IRAG1: variants seen among roughly 807,000 people sequenced by gnomAD.
The protein encoded by IRAG1 is inositol 1,4,5-triphosphate receptor associated 1.
A neutral mutation model predicts 106.2 loss-of-function variants in IRAG1; 62 were observed. That is an observed-to-expected ratio of 0.58 (90% CI 0.48 to 0.72). The LOEUF (loss-of-function observed/expected upper bound fraction) is 0.72, where lower values mean the gene tolerates loss of function less well. Ranked by LOEUF, IRAG1 falls within the 30% of genes least tolerant of loss-of-function variation. The pLI is 0.00. For synonymous variants in IRAG1, 462 were observed against 443.9 expected, an observed-to-expected ratio of 1.04 and a Z score of -0.51; for missense variants, 1,064 against 1,140.7, an observed-to-expected ratio of 0.93 and a Z score of 0.97.
intron 2 of IRAG1, among the ~76,000 whole-genome samples, chr11:10,648,224 C>T (rs1457385022): frequency 6.6e-6 from 1 of 152,080 alleles, no homozygotes; most frequent in Non-Finnish European, 1.5e-5. Flanking sequence ...ATTAGCCAGG[C>T]GTGGTGGTGC....
chr11:10,680,575 T>G (rs978373827), intron 1 of IRAG1, among the ~76,000 whole-genome samples: 2 of 147,046 alleles, frequency 1.4e-5, no homozygotes, highest in African/African-American at 5.1e-5. Context: ...GGAAGGGAAA[T>G]CTCCATTCAG....
intron 1 of IRAG1, among the ~76,000 whole-genome samples, chr11:10,685,416 CAA>C (rs375363531): frequency 1.2e-4 from 16 of 136,550 alleles, no homozygotes; most frequent in Admixed American, 7.2e-5. Flanking sequence ...ATTCCGTTCC[CAA>C]AAAAAAAAAA....
intron 2 of IRAG1, among the ~76,000 whole-genome samples, chr11:10,638,532 G>C (rs1857300053): frequency 6.6e-6 from 1 of 152,148 alleles, no homozygotes; most frequent in Non-Finnish European, 1.5e-5. Context: ...GCATGCGCGG[G>C]CTTCTTTCCC....
Position 10,693,546 on chromosome 11 carries a change from G to C in IRAG1, c.57C>G (p.Asn19Lys). Reference sequence around the variant, plus strand: ...ATAGGGGAGGCTTACCTAAAACTGAGTTATTCTCCTTTCCTCCTCTGGCCA... The same window carrying C: ...ATAGGGGAGGCTTACCTAAAACTGACTTATTCTCCTTTCCTCCTCTGGCCA... The part of the protein sequence containing the change: ...ERLARGGKEN[N>K]SVLACGAQAS... The change falls in exon 1 of 21, where the codon AAC becomes AAG. Residue 19 changes from asparagine (N) to lysine (K), a missense_variant. Physicochemically the swap from Asn to Lys is moderately conservative, Grantham distance 94. Transcript: ENST00000423302. 3 of 1,535,592 alleles carry C rather than the reference G, an allele frequency of 2.0e-6. No individual in the cohort carries two copies. The highest frequency in any genetic ancestry group is 2.6e-6 in the Non-Finnish European group (3 of 1,146,846).
At chr11:10,627,692 A>G in intron 8 of IRAG1, 24 bp downstream of exon 8, 9 of 1,613,856 alleles carry the variant, frequency 5.6e-6, no homozygotes, top group Non-Finnish European at 7.6e-6. Context: ...CAAATCATCC[A>G]AAGGGAGCAA....
At chr11:10,593,753 A>G (rs1410451849) in intron 16 of IRAG1, 154 bp from the exon 17 acceptor site, 3 of 634,948 alleles carry the variant, frequency 4.7e-6, no homozygotes, top group African/African-American at 3.7e-5. Context: ...TGGTGTGGAG[A>G]GAGTGGCCAA....
intron 2 of IRAG1, among the ~76,000 whole-genome samples, chr11:10,648,453 G>A (rs937868347): frequency 6.6e-6 from 1 of 152,202 alleles, no homozygotes. Context: ...GGAATCTGGT[G>A]TTCAAAAAAT....
At chr11:10,673,711 A>G (rs184132431) in intron 1 of IRAG1, among the ~76,000 whole-genome samples, 15 of 152,146 alleles carry the variant, frequency 9.9e-5, no homozygotes, top group Admixed American at 8.5e-4. Flanking sequence ...AAAAAAAAAG[A>G]GAAGGAAGCT....
At chr11:10,681,316 A>G (rs1250541230) in intron 1 of IRAG1, among the ~76,000 whole-genome samples, 3 of 152,242 alleles carry the variant, frequency 2.0e-5, no homozygotes, top group African/African-American at 4.8e-5. Flanking sequence ...TGTCTAACGC[A>G]TGAGTCAAGT....
intron 1 of IRAG1, among the ~76,000 whole-genome samples, chr11:10,655,113 T>C (rs1858818710): frequency 1.3e-5 from 2 of 152,214 alleles, no homozygotes. Context: ...TAAAGGAAGT[T>C]GGCTACATCT....
rs747813071 is a variant in IRAG1, at chr11:10,629,647, C to T, written c.465G>A (p.Glu155=). ...GCAGCGCCAGGTTTTTCTTCTTGTC[C>T]TCCTCTGAGATGCTGATGTCTGGCA... The part of the protein sequence containing the change: ...DQLPDISISE[E]DKKKNLALLE... The change falls in exon 5 of 21, where the codon GAG becomes GAA. Residue 155 remains glutamate, a synonymous_variant. Transcript: ENST00000423302. 1.2e-6 allele frequency: 2 copies of T among 1,613,954 alleles called. No homozygotes were observed. The highest frequency in any genetic ancestry group is 1.1e-5 in the South Asian group (1 of 91,066).
At chr11:10,629,153 G>A (rs948536322) in intron 5 of IRAG1, among the ~76,000 whole-genome samples, 1 of 152,086 alleles carries the variant, frequency 6.6e-6, no homozygotes, top group African/African-American at 2.4e-5. Context: ...GCTCCTTCTC[G>A]ACTTCCCAGG....
chr11:10,688,891 A>C (rs1861855758), intron 1 of IRAG1, among the ~76,000 whole-genome samples: 1 of 152,188 alleles, frequency 6.6e-6, no homozygotes, highest in Admixed American at 6.5e-5. Flanking sequence ...TTGTGTTGTT[A>C]GGCAAGTTTC....
intron 10 of IRAG1, among the ~76,000 whole-genome samples, chr11:10,616,620 C>T (rs942579689): frequency 4.6e-5 from 7 of 152,158 alleles, no homozygotes; most frequent in Non-Finnish European, 8.8e-5. Flanking sequence ...AAACCAATTT[C>T]TCTTCTTTGG....
At chr11:10,599,906 C>CTGA (rs1591583169) in intron 15 of IRAG1, 2 of 152,180 alleles carry the variant, frequency 1.3e-5, no homozygotes, top group African/African-American at 4.8e-5. Flanking sequence ...AAAATAAAGG[C>CTGA]TGATTACCTC....
intron 2 of IRAG1, among the ~76,000 whole-genome samples, chr11:10,635,655 G>T (rs1857092119): frequency 6.6e-6 from 1 of 152,122 alleles, no homozygotes; most frequent in Non-Finnish European, 1.5e-5. Flanking sequence ...TTGTGAAATG[G>T]GTCTCATACA....
Position 10,580,808 on chromosome 11 carries a change from A to G in IRAG1, c.2361-219T>C, listed in dbSNP as rs59602326. On this transcript the variant is annotated intron_variant, in intron 19 of 20. Transcript: ENST00000423302. Reference sequence around the variant, plus strand: ...CTCAGTCATCCTTCCTGTTTATGTGAAAGTGTGACAAAACTGACAGGGAAA... The same window carrying G: ...CTCAGTCATCCTTCCTGTTTATGTGGAAGTGTGACAAAACTGACAGGGAAA... Among the ~76,000 whole-genome samples, 1,256 of 152,348 alleles carry G rather than the reference A, an allele frequency of 8.2e-3. 22 individuals are homozygous for G. Among genetic ancestry groups the G allele is most frequent in the South Asian group, 0.033 (159 of 4,826 alleles).
chr11:10,635,270 T>C (rs1010430787), intron 2 of IRAG1, among the ~76,000 whole-genome samples: 1 of 152,192 alleles, frequency 6.6e-6, no homozygotes, highest in Non-Finnish European at 1.5e-5. Context: ...ATTTTCCTTC[T>C]CCTCCTTCCC....
intron 2 of IRAG1, among the ~76,000 whole-genome samples, chr11:10,638,348 C>T (rs954867212): frequency 3.3e-5 from 5 of 152,194 alleles, no homozygotes; most frequent in African/African-American, 1.2e-4. Context: ...GTGATTTGTG[C>T]TCCCTGGCCC....
Sources: gnomAD v4.1 joint callset for allele counts (sites outside exome capture counted in the v4.1 genomes callset) on GRCh38, gnomAD v4.1.1 for gene constraint, MANE v1.5 for transcripts, NCBI Gene and HGNC (gene_info 2026-07-23, HGNC 2026-07-21) for gene names.